Variants in SIPA1L1 observed in about 807,000 individuals in gnomAD.
The protein encoded by SIPA1L1 is signal induced proliferation associated 1 like 1.
Under a neutral mutation model 162.7 loss-of-function variants are expected in SIPA1L1, and 26 were observed. That is an observed-to-expected ratio of 0.16 (90% CI 0.12 to 0.22). SIPA1L1 has a LOEUF of 0.22. Among genes scored for constraint, SIPA1L1 ranks in the 10% least tolerant of loss-of-function variants. The pLI, the probability that SIPA1L1 is intolerant of heterozygous loss-of-function variation, is 1.00. For synonymous variants in SIPA1L1, 829 were observed against 837.4 expected (o/e 0.99, Z 0.17); for missense variants, 1,874 against 2,241.0 (o/e 0.84, Z 3.31).
intron 5 of SIPA1L1, 91 bp from the exon 6 acceptor site, chr14:71,618,666 C>G: frequency 8.7e-7 from 1 of 1,145,650 alleles, no homozygotes; most frequent in Non-Finnish European, 1.2e-6. Context: ...GATAAAATTT[C>G]TGAGTGACAA....
chr14:71,702,755 A>G (rs905657363), intron 15 of SIPA1L1, among the ~76,000 whole-genome samples: 2 of 152,216 alleles, frequency 1.3e-5, no homozygotes, highest in African/African-American at 4.8e-5. Context: ...AGATTAAAAC[A>G]CCAGACTACC....
intron 2 of SIPA1L1, among the ~76,000 whole-genome samples, chr14:71,488,574 T>A (rs2048964171): frequency 6.6e-6 from 1 of 152,226 alleles, no homozygotes; most frequent in Non-Finnish European, 1.5e-5. Flanking sequence ...TTTCCAAAAT[T>A]ATCAGTTGAT....
intron 2 of SIPA1L1, among the ~76,000 whole-genome samples, chr14:71,366,010 G>C (rs759087141): frequency 2.0e-5 from 3 of 151,920 alleles, no homozygotes; most frequent in Non-Finnish European, 2.9e-5. Flanking sequence ...ACAGGCATGA[G>C]CCACTGTGCC....
At position 71,709,445 on chromosome 14, in the gene SIPA1L1, G is replaced by A. The variant is rs1019040469; in HGVS notation, c.3989G>A (p.Arg1330His). ...ASLGAATSSP[R>H]SGPGKEKVAP... ...CTGGGGGCTGCCACATCGTCACCTC[G>A]CTCAGGGCCAGGCAAGGAGAAAGTG... is the stretch of plus-strand genomic sequence containing the variant. The change falls in exon 17 of 24, where the codon CGC becomes CAC. Residue 1330 changes from arginine to histidine, a missense_variant. Physicochemically the swap from Arg to His is conservative, Grantham distance 29. Around this residue, in one of 5 missense-constraint regions of SIPA1L1, gnomAD observed 936 missense variants for 1,051.9 expected, o/e 0.89. Transcript: ENST00000381232. The A allele has an allele frequency of 2.5e-6, 4 of 1,614,176 alleles. No homozygotes were observed. The highest frequency in any genetic ancestry group is 3.3e-5 in the Admixed American group (2 of 60,018).
chr14:71,575,462 G>C (rs1176502657), intron 4 of SIPA1L1, among the ~76,000 whole-genome samples: 2 of 152,064 alleles, frequency 1.3e-5, no homozygotes, highest in African/African-American at 4.8e-5. Context: ...CATATAACCG[G>C]GTTCAAAAAT....
At chr14:71,389,611 G>A (rs2040591688) in intron 2 of SIPA1L1, among the ~76,000 whole-genome samples, 1 of 152,044 alleles carries the variant, frequency 6.6e-6, no homozygotes, top group Admixed American at 6.6e-5. Context: ...AGATTGCAGG[G>A]GACAAGTGAG....
Position 71,739,071 on chromosome 14 carries a change from C to T in SIPA1L1, c.5262C>T (p.Asp1754=), listed in dbSNP as rs774214470. The change falls in exon 24 of 24, where the codon GAC becomes GAT. Residue 1754 remains aspartate, a synonymous_variant. Coordinates refer to ENST00000381232, the MANE Select transcript of SIPA1L1 (RefSeq NM_001386936.1). ...LQAEVQHLRE[D]NLRLQEESQN... ...CGGAGGTGCAGCACCTGCGAGAGGACAACCTGAGGCTACAGGAGGAGTCCC... is the reference window on the plus strand; with the variant it reads ...CGGAGGTGCAGCACCTGCGAGAGGATAACCTGAGGCTACAGGAGGAGTCCC... The T allele has an allele frequency of 1.1e-5, 17 of 1,614,026 alleles. No individual in the cohort carries two copies. The South Asian group carries it at 1.9e-4, about 18-fold the overall frequency.
intron 5 of SIPA1L1, among the ~76,000 whole-genome samples, chr14:71,589,671 C>CT (rs1487918042): frequency 2.6e-5 from 4 of 152,076 alleles, no homozygotes. Context: ...GCTGTGTCAC[C>CT]TTTAGGGATA....
At chr14:71,555,748 C>A (rs967110990) in intron 4 of SIPA1L1, among the ~76,000 whole-genome samples, 1 of 152,042 alleles carries the variant, frequency 6.6e-6, no homozygotes, top group Non-Finnish European at 1.5e-5. Flanking sequence ...ACTTAGAGGC[C>A]ATTCTAATTT....
intron 2 of SIPA1L1, among the ~76,000 whole-genome samples, chr14:71,390,960 A>T (rs1054915813): frequency 1.3e-5 from 2 of 152,078 alleles, no homozygotes; most frequent in Non-Finnish European, 1.5e-5. Context: ...ATTTTTAAAT[A>T]TATGTATCTA....
intron 2 of SIPA1L1, among the ~76,000 whole-genome samples, chr14:71,380,662 G>T (rs530310103): frequency 6.6e-6 from 1 of 152,318 alleles, no homozygotes; most frequent in South Asian, 2.1e-4. Context: ...CAATGTCAGG[G>T]TTGGTAGGCC....
chr14:71,437,112 G>T (rs971703917), intron 2 of SIPA1L1, among the ~76,000 whole-genome samples: 1 of 152,014 alleles, frequency 6.6e-6, no homozygotes, highest in African/African-American at 2.4e-5. Flanking sequence ...TTGGGATTGC[G>T]TTAAATTTAC....
intron 2 of SIPA1L1, among the ~76,000 whole-genome samples, chr14:71,439,073 CT>C (rs1169585506): frequency 2.0e-5 from 3 of 152,082 alleles, no homozygotes; most frequent in African/African-American, 7.2e-5. Flanking sequence ...CTGTGGTACC[CT>C]GAGGAGGAGT....
chr14:71,339,431 C>T (rs1411961725), intron 2 of SIPA1L1, among the ~76,000 whole-genome samples: 2 of 151,110 alleles, frequency 1.3e-5, no homozygotes, highest in East Asian at 2.0e-4. Flanking sequence ...GGCATGATCT[C>T]GGCTCACCGC....
chr14:71,356,583 A>AAAAAAAAAAAAAAAAAAAAAAAAAAAC (rs2037283047), intron 2 of SIPA1L1, among the ~76,000 whole-genome samples: 2 of 145,686 alleles, frequency 1.4e-5, no homozygotes, highest in Non-Finnish European at 3.0e-5. Context: ...AAAAAAAAAA[A>AAAAAAAAAAAAAAAAAAAAAAAAAAAC]AAAAGCACAC....
At chr14:71,661,654 G>C (rs904449844) in intron 10 of SIPA1L1, among the ~76,000 whole-genome samples, 187 bp downstream of exon 10, 3 of 152,150 alleles carry the variant, frequency 2.0e-5, no homozygotes, top group Admixed American at 6.6e-5. Context: ...CATTACCCAA[G>C]CATGTTGGTT....
chr14:71,660,145 A>G (rs765326724), intron 9 of SIPA1L1, among the ~76,000 whole-genome samples: 15 of 152,190 alleles, frequency 9.9e-5, no homozygotes, highest in Non-Finnish European at 1.8e-4. Context: ...TTATGCAGGA[A>G]TGGCATAACA....
chr14:71,484,703 C>T (rs2048613104), intron 2 of SIPA1L1, among the ~76,000 whole-genome samples: 1 of 152,126 alleles, frequency 6.6e-6, no homozygotes, highest in Admixed American at 6.6e-5. Context: ...AACAACTTAC[C>T]ATACAGTAGG....
chr14:71,736,610 A>T (rs567250264), intron 22 of SIPA1L1, among the ~76,000 whole-genome samples: 1 of 152,268 alleles, frequency 6.6e-6, no homozygotes, highest in South Asian at 2.1e-4. Context: ...TATAGGAGAG[A>T]GGCCGCACTT....
Sources: allele counts gnomAD v4.1 joint callset (sites outside exome capture counted in the v4.1 genomes callset), GRCh38; gene constraint gnomAD v4.1.1; regional missense constraint gnomAD v4.1.1; transcripts MANE v1.5; gene names NCBI Gene and HGNC (gene_info 2026-07-23, HGNC 2026-07-21).